Variants in TMEM61 observed in about 807,000 individuals in gnomAD.
The protein encoded by TMEM61 is transmembrane protein 61.
A neutral mutation model predicts 12.0 loss-of-function variants in TMEM61; 13 were observed. The ratio of observed to expected loss-of-function variants is 1.08; its 90% CI spans 0.70 to 1.72. The LOEUF (loss-of-function observed/expected upper bound fraction) is 1.72, where lower values mean the gene tolerates loss of function less well. TMEM61 is among the 40% of genes most tolerant of loss of function. TMEM61 has a pLI of 0.00. For missense variants in TMEM61, 249 were observed against 276.9 expected, an observed-to-expected ratio of 0.90 and a Z score of 0.71; for synonymous variants, 109 against 121.4, an observed-to-expected ratio of 0.90 and a Z score of 0.67.
intron 1 of TMEM61, among the ~76,000 whole-genome samples, chr1:54,982,160 G>C (rs1241750936): frequency 2.0e-5 from 3 of 152,158 alleles, no homozygotes; most frequent in Non-Finnish European, 4.4e-5. Flanking sequence ...TGGTCACAGA[G>C]CTAACAGGGA....
intron 1 of TMEM61, among the ~76,000 whole-genome samples, chr1:54,981,901 A>T (rs1644225438): frequency 6.6e-6 from 1 of 152,246 alleles, no homozygotes; most frequent in South Asian, 2.1e-4. Flanking sequence ...GGAAATAAAA[A>T]TAATCATAAT....
chr1:54,991,664 A>C (rs2500325), intron 2 of TMEM61, among the ~76,000 whole-genome samples, 172 bp from the exon 3 acceptor site: 1 of 152,068 alleles, frequency 6.6e-6, no homozygotes, highest in Non-Finnish European at 1.5e-5. Context: ...GCTGAGGGCC[A>C]CAGGGGCTGG....
chr1:54,989,947 CTT>C (rs112620721), intron 2 of TMEM61, among the ~76,000 whole-genome samples: 2 of 144,362 alleles, frequency 1.4e-5, no homozygotes. Flanking sequence ...ATTTGTTTTT[CTT>C]TTTTTTTTTG....
intron 1 of TMEM61, among the ~76,000 whole-genome samples, chr1:54,983,206 T>A (rs528689351): frequency 2.5e-3 from 355 of 140,914 alleles, no homozygotes; most frequent in South Asian, 8.9e-3. Context: ...CTCCACATCC[T>A]GGGTTCAAGT....
At chr1:54,983,272 C>A (rs774472104) in intron 1 of TMEM61, among the ~76,000 whole-genome samples, 1 of 151,820 alleles carries the variant, frequency 6.6e-6, no homozygotes, top group African/African-American at 2.4e-5. Flanking sequence ...CACCACCACG[C>A]CTGGCTAATT....
rs147685261 is a variant in TMEM61 at position 54,990,466 on chromosome 1, G to C, written c.366-1370G>C. ...GTGCTGGGCGTTCACCTGAGGGGCA[G>C]CAGCAGGTTCCATCTACCAGCATGG... On this transcript the variant is annotated intron_variant, in intron 2 of 2. Transcript: ENST00000371268. 2.0e-5 allele frequency among the ~76,000 whole-genome samples: 3 copies of C among 152,292 alleles called. No homozygotes were observed. In the East Asian group the frequency reaches 5.8e-4, roughly 29 times the overall value.
chr1:54,983,105 C>CTTTTTTTTT (rs1644233851), intron 1 of TMEM61, among the ~76,000 whole-genome samples: 2 of 59,358 alleles, frequency 3.4e-5, no homozygotes, highest in Admixed American at 4.4e-4. Context: ...TTGTGTTTTG[C>CTTTTTTTTT]TTTGTTTTTT....
chr1:54,990,966 G>A (rs1463959236), intron 2 of TMEM61, among the ~76,000 whole-genome samples: 1 of 152,204 alleles, frequency 6.6e-6, no homozygotes, highest in East Asian at 1.9e-4. Flanking sequence ...AGTGTTGGAA[G>A]GGACCTTCAG....
chr1:54,985,467 C>T (rs1021045187), intron 1 of TMEM61, among the ~76,000 whole-genome samples: 29 of 152,210 alleles, frequency 1.9e-4, no homozygotes. Flanking sequence ...GAACTCCTGA[C>T]CTCAGGTGAT....
intron 1 of TMEM61, among the ~76,000 whole-genome samples, chr1:54,984,934 G>A (rs745595358): frequency 2.0e-5 from 3 of 152,070 alleles, no homozygotes; most frequent in Admixed American, 1.3e-4. Flanking sequence ...GTGTGATCCG[G>A]GGCCAGGACC....
In TMEM61 at chr1:54,986,301, T is replaced by G; in HGVS notation, c.220T>G (p.Cys74Gly). Residue 74 changes from cysteine to glycine, a missense_variant, in exon 2 of 3, where the codon TGC becomes GGC. Cys to Gly is a radical substitution (Grantham distance 159). Coordinates refer to ENST00000371268, the MANE Select transcript of TMEM61 (RefSeq NM_182532.3). ...PLLRSVSFVC[C>G]GAGGLLLLIG... ...GCTCAGGTCCGTCAGCTTCGTCTGC[T>G]GCGGTGCAGGTGGCCTGCTGCTGCT... The G allele has an allele frequency of 6.2e-7, 1 of 1,614,050 alleles. No homozygotes were observed. The highest frequency in any genetic ancestry group is 8.5e-7 in the Non-Finnish European group (1 of 1,180,030).
intron 1 of TMEM61, among the ~76,000 whole-genome samples, chr1:54,985,668 A>C (rs943975571): frequency 3.3e-5 from 5 of 152,186 alleles, no homozygotes; most frequent in Non-Finnish European, 5.9e-5. Flanking sequence ...TCCATCTCAC[A>C]AGATTATGAC....
rs762288382 is a variant in TMEM61 at position 54,986,201 on chromosome 1, A to G, written c.120A>G (p.Glu40=). Residue 40 remains glutamate (E), a synonymous_variant, in exon 2 of 3, where the codon GAA becomes GAG. Transcript: ENST00000371268. ...AGTLCFAWWS[E]GDATAQPGQL... ...CGCTCTGCTTCGCTTGGTGGAGCGA[A>G]GGGGATGCAACCGCCCAGCCTGGCC... The G allele has an allele frequency of 6.2e-7, 1 of 1,613,794 alleles. No individual in the cohort carries two copies. Among genetic ancestry groups the G allele is most frequent in the Non-Finnish European group, 8.5e-7 (1 of 1,180,000 alleles).
Position 54,991,994 on chromosome 1 carries a change from C to T in TMEM61, c.524C>T (p.Pro175Leu). 2 of 1,614,184 alleles carry T rather than the reference C, an allele frequency of 1.2e-6. No individual in the cohort carries two copies. The highest frequency in any genetic ancestry group is 1.7e-6 in the Non-Finnish European group (2 of 1,180,042). Reference sequence around the variant, plus strand: ...AGCACCCAGCCCGCCTGGCCTCCACCCAGCTATGAGAGCATCAGCCTTGCT... The same window carrying T: ...AGCACCCAGCCCGCCTGGCCTCCACTCAGCTATGAGAGCATCAGCCTTGCT... ...LLSTQPAWPP[P>L]SYESISLALD... is the part of the protein sequence containing the mutation. Residue 175 changes from proline (P) to leucine (L), a missense_variant, in exon 3 of 3, where the codon CCC becomes CTC. Transcript: ENST00000371268.
At chr1:54,983,222 T>C (rs2101631956) in intron 1 of TMEM61, among the ~76,000 whole-genome samples, 1 of 149,646 alleles carries the variant, frequency 6.7e-6, no homozygotes, top group South Asian at 2.1e-4. Context: ...CAAGTGATTC[T>C]CGTGCCTCAG....
chr1:54,989,845 C>G (rs1343559813), intron 2 of TMEM61, among the ~76,000 whole-genome samples: 1 of 152,138 alleles, frequency 6.6e-6, no homozygotes, highest in Non-Finnish European at 1.5e-5. Context: ...GTCCAGGGCT[C>G]TAAGTGGGGC....
intron 1 of TMEM61, among the ~76,000 whole-genome samples, chr1:54,982,896 A>C (rs1644232584): frequency 6.6e-6 from 1 of 152,102 alleles, no homozygotes; most frequent in Non-Finnish European, 1.5e-5. Flanking sequence ...TTTAGGACAC[A>C]GTGCTGTTGT....
chr1:54,988,515 C>T (rs530666911), intron 2 of TMEM61, among the ~76,000 whole-genome samples: 181 of 152,356 alleles, frequency 1.2e-3, no homozygotes, highest in African/African-American at 4.2e-3. Context: ...CTCAGCCCAG[C>T]CCTGCTGCCT....
rs553947174 is a variant in TMEM61, at chr1:54,991,154, G to A, written c.366-682G>A. Among the ~76,000 whole-genome samples, 159 of 152,338 alleles carry A rather than the reference G, an allele frequency of 1.0e-3. 1 individual carries two copies. The highest frequency in any genetic ancestry group is 3.7e-3 in the African/African-American group (152 of 41,580). Reference sequence around the variant, plus strand: ...CAGCCTTAGGCTGGCTGGGGCGTGGGTGATCTGTCTCAGGGTCTGGCCTGC... The same window carrying A: ...CAGCCTTAGGCTGGCTGGGGCGTGGATGATCTGTCTCAGGGTCTGGCCTGC... On this transcript the variant is annotated intron_variant, in intron 2 of 2. Coordinates refer to ENST00000371268, the MANE Select transcript of TMEM61 (RefSeq NM_182532.3).
Sources: gnomAD v4.1 joint callset for allele counts (sites outside exome capture counted in the v4.1 genomes callset) on GRCh38, gnomAD v4.1.1 for gene constraint, MANE v1.5 for transcripts, NCBI Gene and HGNC (gene_info 2026-07-23, HGNC 2026-07-21) for gene names.